The following GOT2 variants were observed in gnomAD, a reference collection of about 807,000 sequenced individuals.
GOT2 encodes the protein aspartate aminotransferase, mitochondrial.
A neutral mutation model predicts 50.0 loss-of-function variants in GOT2; 17 were observed. The ratio of observed to expected loss-of-function variants is 0.34; its 90% CI spans 0.23 to 0.51. GOT2 has a LOEUF of 0.51. Among genes scored for constraint, GOT2 ranks in the 20% least tolerant of loss-of-function variants. The pLI is 0.97. For synonymous variants in GOT2, 172 were observed against 204.9 expected (o/e 0.84, Z 1.37); for missense variants, 430 against 559.6 (o/e 0.77, Z 2.34).
rs1401890512 is a variant in GOT2, at chr16:58,708,163, C to T, written c.*8G>A. On this transcript the variant is annotated 3_prime_UTR_variant, in exon 10 of 10. Coordinates refer to ENST00000245206, the MANE Select transcript of GOT2 (RefSeq NM_002080.4). ...AAAGGTTGTCTCTGTTTCCTCGCACCAGGGACATTACTTGGTGACCTGGTG... is the reference window on the plus strand; with the variant it reads ...AAAGGTTGTCTCTGTTTCCTCGCACTAGGGACATTACTTGGTGACCTGGTG... 1 of 1,613,504 alleles carries T rather than the reference C, an allele frequency of 6.2e-7. No homozygotes were observed. Among genetic ancestry groups the T allele is most frequent in the East Asian group, 2.2e-5 (1 of 44,858 alleles).
At chr16:58,715,593 C>T (rs1306779356) in intron 8 of GOT2, among the ~76,000 whole-genome samples, 1 of 152,142 alleles carries the variant, frequency 6.6e-6, no homozygotes, top group Admixed American at 6.5e-5. Context: ...GCTCTTGTTG[C>T]CCAGGCTGGA....
intron 8 of GOT2, among the ~76,000 whole-genome samples, chr16:58,713,330 C>A (rs2044665243): frequency 6.6e-6 from 1 of 151,954 alleles, no homozygotes; most frequent in Non-Finnish European, 1.5e-5. Flanking sequence ...CTAGCATGAA[C>A]CTATTATACC....
chr16:58,731,594 T>C (rs1323838328), intron 1 of GOT2, among the ~76,000 whole-genome samples: 1 of 151,620 alleles, frequency 6.6e-6, no homozygotes, highest in Non-Finnish European at 1.5e-5. Flanking sequence ...CATTAGCATC[T>C]TTTTTTTTCT....
chr16:58,718,911 T>C (rs568168191), intron 4 of GOT2, among the ~76,000 whole-genome samples: 2 of 152,284 alleles, frequency 1.3e-5, no homozygotes, highest in South Asian at 4.1e-4. Context: ...TTTCTTCACT[T>C]GTAAAGGGGG....
chr16:58,708,361 C>A, intron 9 of GOT2, 68 bp from the exon 10 acceptor site: 2 of 1,472,294 alleles, frequency 1.4e-6, no homozygotes, highest in South Asian at 1.2e-5. Flanking sequence ...TGACATGGCA[C>A]AGTAGCCAAC....
At chr16:58,720,544 G>T (rs2152095726) in intron 3 of GOT2, among the ~76,000 whole-genome samples, 1 of 151,554 alleles carries the variant, frequency 6.6e-6, no homozygotes, top group African/African-American at 2.4e-5. Flanking sequence ...CTCACTGTAG[G>T]TCCGATGATA....
At chr16:58,711,019 T>C (rs1341924905) in intron 8 of GOT2, among the ~76,000 whole-genome samples, 3 of 139,026 alleles carry the variant, frequency 2.2e-5, no homozygotes, top group African/African-American at 5.3e-5. Flanking sequence ...TAAAACCTAC[T>C]AAGATTAAGG....
intron 1 of GOT2, among the ~76,000 whole-genome samples, chr16:58,724,285 CTTT>C (rs56178822): frequency 1.4e-5 from 2 of 139,362 alleles, no homozygotes; most frequent in East Asian, 2.1e-4. Context: ...TTCTGACAAA[CTTT>C]TTTTTTTTTT....
intron 8 of GOT2, among the ~76,000 whole-genome samples, chr16:58,711,824 G>A (rs2044651132): frequency 2.0e-5 from 3 of 152,140 alleles, no homozygotes; most frequent in Non-Finnish European, 2.9e-5. Context: ...AGGGCTAGAT[G>A]TGGAGCCATC....
intron 3 of GOT2, among the ~76,000 whole-genome samples, 157 bp from the exon 4 acceptor site, chr16:58,719,412 C>T (rs564613023): frequency 6.6e-6 from 1 of 152,242 alleles, no homozygotes; most frequent in African/African-American, 2.4e-5. Flanking sequence ...TTTCAGAACA[C>T]AAAAATTCCT....
In GOT2 at chr16:58,708,158, C is replaced by T. The variant is rs374778384; in HGVS notation, c.*13G>A. The T allele has an allele frequency of 1.6e-4, 266 of 1,612,490 alleles. 1 individual carries two copies. The highest frequency in any genetic ancestry group is 1.4e-3 in the South Asian group (123 of 90,836). On this transcript the variant is annotated 3_prime_UTR_variant, in exon 10 of 10. Transcript: ENST00000245206. ...GACAGAAAGGTTGTCTCTGTTTCCT[C>T]GCACCAGGGACATTACTTGGTGACC...
rs776392130 is a variant in GOT2 at position 58,734,272 on chromosome 16, A to T, written c.-44T>A. The stretch of plus-strand genomic sequence containing the variant: ...AGTGGGCAGCCGCAGGACGGAGCAG[A>T]GGGCGAGCGGACACACACACAGGGA... On this transcript the variant is annotated 5_prime_UTR_variant, in exon 1 of 10. Transcript: ENST00000245206. 2 of 1,089,792 alleles carry T rather than the reference A, an allele frequency of 1.8e-6. No homozygotes were observed. The highest frequency in any genetic ancestry group is 3.8e-5 in the Admixed American group (1 of 26,644). 67.5% of individuals were successfully genotyped at this position (1,089,792 alleles called of 1,614,324 possible). A position where few individuals can be genotyped will look rare whatever the true frequency, so the allele number is the denominator to read the frequency against.
rs2044689071 is a variant in GOT2 at position 58,716,031 on chromosome 16, TG to T, written c.1001del (p.Pro334GlnfsTer11). ...ACCTTTACCATTGTTTTCGCAAATC[TG>T]GGGTGTTCAGAATGGCAGCAGCAAT... ...ARIAAAILNT[P>X]DLRKQWLQEV... On this transcript the variant is annotated frameshift_variant, in exon 8 of 10. Coordinates refer to ENST00000245206, the MANE Select transcript of GOT2 (RefSeq NM_002080.4). LOFTEE classifies it high-confidence loss of function. 6.2e-7 allele frequency: 1 copy of T among 1,612,572 alleles called. No individual in the cohort carries two copies. The highest frequency in any genetic ancestry group is 1.3e-5 in the African/African-American group (1 of 74,798).
intron 8 of GOT2, among the ~76,000 whole-genome samples, 192 bp downstream of exon 8, chr16:58,715,822 G>A (rs370099416): frequency 2.0e-5 from 3 of 152,268 alleles, no homozygotes; most frequent in Middle Eastern, 3.4e-3. Context: ...AAAGTGCTGC[G>A]ATTACAGGCG....
At chr16:58,709,934 A>G (rs1182045566) in intron 8 of GOT2, among the ~76,000 whole-genome samples, 3 of 152,240 alleles carry the variant, frequency 2.0e-5, no homozygotes, top group Non-Finnish European at 2.9e-5. Context: ...TACATGAGAC[A>G]TTCAGCACTC....
chr16:58,719,754 C>CA (rs888143274), intron 3 of GOT2, among the ~76,000 whole-genome samples: 28 of 151,076 alleles, frequency 1.9e-4, no homozygotes, highest in Non-Finnish European at 1.5e-4. Flanking sequence ...GACTCTGTCT[C>CA]AAAAAAAATA....
chr16:58,728,372 G>T (rs1489516065), intron 1 of GOT2, among the ~76,000 whole-genome samples: 1 of 152,116 alleles, frequency 6.6e-6, no homozygotes, highest in Non-Finnish European at 1.5e-5. Context: ...ATCTCACAGG[G>T]CTGGTCTAAT....
intron 5 of GOT2, 104 bp downstream of exon 5, chr16:58,718,423 C>A: frequency 7.5e-7 from 1 of 1,334,390 alleles, no homozygotes; most frequent in Non-Finnish European, 1.0e-6. Flanking sequence ...GGAATCAGCT[C>A]TTCCCCAGTA....
intron 1 of GOT2, among the ~76,000 whole-genome samples, chr16:58,724,244 C>T (rs955449988): frequency 6.6e-6 from 1 of 151,340 alleles, no homozygotes; most frequent in Non-Finnish European, 1.5e-5. Flanking sequence ...ATGAAAAATA[C>T]AAATTTGTGT....
Sources: gnomAD v4.1 joint callset for allele counts (sites outside exome capture counted in the v4.1 genomes callset) on GRCh38, gnomAD v4.1.1 for gene constraint, MANE v1.5 for transcripts, NCBI Gene and HGNC (gene_info 2026-07-23, HGNC 2026-07-21) for gene names.